CBLN2: variants seen among roughly 807,000 people sequenced by gnomAD.
CBLN2 encodes the protein cerebellin-2.
In CBLN2, 7 loss-of-function variants were observed where a neutral mutation model predicts 15.0. The ratio of observed to expected loss-of-function variants is 0.47; its 90% CI spans 0.27 to 0.88. CBLN2 has a LOEUF of 0.88. Ranked by LOEUF, CBLN2 falls within the 40% of genes least tolerant of loss-of-function variation. The pLI, the probability that CBLN2 is intolerant of heterozygous loss-of-function variation, is 0.14. For synonymous variants in CBLN2, 149 were observed against 135.2 expected, an observed-to-expected ratio of 1.10 and a Z score of -0.71; for missense variants, 242 against 304.5, an observed-to-expected ratio of 0.79 and a Z score of 1.53.
chr18:72,540,093 T>C (rs1695287255), intron 3 of CBLN2: 1 of 152,192 alleles, frequency 6.6e-6, no homozygotes, highest in Non-Finnish European at 1.5e-5. Flanking sequence ...CTGGGTTCCA[T>C]TGTTAAGACA....
chr18:72,618,478 C>G (rs2069677806), intron 1 of CBLN2: 1 of 667,352 alleles, frequency 1.5e-6, no homozygotes, highest in Non-Finnish European at 2.8e-6. Flanking sequence ...GTGGATGCAG[C>G]CATGAATGCA....
Position 72,619,983 on chromosome 18 carries a change from C to A in CBLN2, c.15+18342G>T, listed in dbSNP as rs150211147. The stretch of plus-strand genomic sequence containing the variant: ...CAAACTTCATTTACTCAGCTCACCA[C>A]CCCTTGTTGGGGGAACACATGGGTG... On this transcript the variant is annotated intron_variant, in intron 1 of 2. Transcript: ENST00000581073. Among the ~76,000 whole-genome samples, 108 of 152,338 alleles carry A rather than the reference C, an allele frequency of 7.1e-4. 1 individual carries two copies. Among genetic ancestry groups the A allele is most frequent in the African/African-American group, 2.5e-3 (102 of 41,590 alleles).
intron 1 of CBLN2, among the ~76,000 whole-genome samples, chr18:72,584,086 G>T (rs770683278): frequency 6.6e-6 from 1 of 152,128 alleles, no homozygotes; most frequent in African/African-American, 2.4e-5. Context: ...CTGTTTGTGC[G>T]TTCAAAGCAC....
chr18:72,615,033 G>GTAAATATA (rs1332829230), intron 1 of CBLN2, among the ~76,000 whole-genome samples: 12 of 121,932 alleles, frequency 9.8e-5, no homozygotes, highest in African/African-American at 3.6e-4. Flanking sequence ...AGGAGATCAA[G>GTAAATATA]TACATATATA....
chr18:72,600,119 G>A (rs1406655301), intron 1 of CBLN2, among the ~76,000 whole-genome samples: 1 of 152,106 alleles, frequency 6.6e-6, no homozygotes, highest in Non-Finnish European at 1.5e-5. Context: ...GTTTCCAGGT[G>A]GAATATGTTG....
rs2069299465 is a variant in CBLN2 at position 72,567,004 on chromosome 18, G to C, written c.16-28232C>G. On this transcript the variant is annotated intron_variant, in intron 1 of 2. Transcript: ENST00000581073. ...CTGCCCCGCTAATTCTGTACTTTTT[G>C]TAGAGATGGAGTTTCGCCATGTTGT... 2.0e-5 allele frequency among the ~76,000 whole-genome samples: 3 copies of C among 152,070 alleles called. No homozygotes were observed. In the South Asian group the frequency reaches 6.2e-4, roughly 32 times the overall value.
intron 1 of CBLN2, among the ~76,000 whole-genome samples, chr18:72,623,880 T>C: frequency 6.6e-6 from 1 of 152,188 alleles, no homozygotes; most frequent in East Asian, 1.9e-4. Flanking sequence ...AACTACTGGA[T>C]CTTTAGTATA....
chr18:72,547,665 T>C (rs1004207876), upstream of CBLN2, among the ~76,000 whole-genome samples: 24 of 152,192 alleles, frequency 1.6e-4, no homozygotes, highest in East Asian at 3.9e-3. Context: ...AAATAATATA[T>C]TTTTATCTAG....
At chr18:72,609,424 A>G (rs962324653) in intron 1 of CBLN2, among the ~76,000 whole-genome samples, 14 of 152,122 alleles carry the variant, frequency 9.2e-5, no homozygotes, top group Non-Finnish European at 1.5e-5. Context: ...AGACACAAGA[A>G]GAAGATGGCC....
chr18:72,598,582 C>T (rs2069527738), intron 1 of CBLN2, among the ~76,000 whole-genome samples: 1 of 152,180 alleles, frequency 6.6e-6, no homozygotes, highest in South Asian at 2.1e-4. Context: ...GGCCACATGC[C>T]CCCCAAATCC....
intron 1 of CBLN2, among the ~76,000 whole-genome samples, chr18:72,553,463 G>C (rs547212816): frequency 1.1e-5 from 1 of 89,504 alleles, no homozygotes; most frequent in Non-Finnish European, 2.3e-5. Flanking sequence ...ATTTGTGATA[G>C]ATAGATAGAT....
intron 1 of CBLN2, among the ~76,000 whole-genome samples, chr18:72,556,475 TAGAA>T (rs773799851): frequency 1.3e-5 from 2 of 151,968 alleles, no homozygotes; most frequent in East Asian, 1.9e-4. Flanking sequence ...AAAACACAGA[TAGAA>T]AGAAAGAGAA....
intron 1 of CBLN2, among the ~76,000 whole-genome samples, chr18:72,589,244 T>A (rs939183564): frequency 6.6e-6 from 1 of 152,182 alleles, no homozygotes; most frequent in Non-Finnish European, 1.5e-5. Flanking sequence ...ATTTTACATA[T>A]GTTTGCTGAG....
At position 72,538,652 on chromosome 18, in the gene CBLN2, C is replaced by T; in HGVS notation, c.477+1G>A. ...AAGGATCCAGTTTCAAATCTACCCA[C>T]CTGGATGGTTTGTCTGTTATACACT... On this transcript the variant is annotated splice_donor_variant, in intron 4 of 4. Coordinates refer to ENST00000269503, the MANE Select transcript of CBLN2 (RefSeq NM_182511.4). LOFTEE classifies it high-confidence loss of function. 6.2e-7 allele frequency: 1 copy of T among 1,613,766 alleles called. No homozygotes were observed. The highest frequency in any genetic ancestry group is 8.5e-7 in the Non-Finnish European group (1 of 1,179,890).
chr18:72,606,666 G>A (rs1371585973), intron 1 of CBLN2, among the ~76,000 whole-genome samples: 1 of 152,204 alleles, frequency 6.6e-6, no homozygotes, highest in Non-Finnish European at 1.5e-5. Context: ...AAGAGGCTTA[G>A]CTGCTTAAGA....
chr18:72,578,938 G>A (rs1453870970), intron 1 of CBLN2, among the ~76,000 whole-genome samples: 5 of 152,108 alleles, frequency 3.3e-5, no homozygotes, highest in Non-Finnish European at 4.4e-5. Flanking sequence ...ACACTGTGTC[G>A]CTATCCATGT....
intron 1 of CBLN2, among the ~76,000 whole-genome samples, chr18:72,610,370 C>T (rs2069614093): frequency 6.6e-6 from 1 of 152,146 alleles, no homozygotes; most frequent in South Asian, 2.1e-4. Context: ...AAATGTTTCC[C>T]TTCTTATAAA....
intron 1 of CBLN2, among the ~76,000 whole-genome samples, chr18:72,634,001 G>T (rs1386231270): frequency 6.6e-6 from 1 of 151,762 alleles, no homozygotes; most frequent in Non-Finnish European, 1.5e-5. Flanking sequence ...CTGTTTTAGA[G>T]AAATTTTCTT....
intron 1 of CBLN2, among the ~76,000 whole-genome samples, chr18:72,636,592 G>GT (rs1377530083): frequency 2.6e-5 from 4 of 152,108 alleles, no homozygotes; most frequent in African/African-American, 9.7e-5. Flanking sequence ...GAAGTCTCCC[G>GT]TTCCCCGTGG....
Sources: allele counts gnomAD v4.1 joint callset (sites outside exome capture counted in the v4.1 genomes callset), GRCh38; gene constraint gnomAD v4.1.1; transcripts MANE v1.5; gene names NCBI Gene and HGNC (gene_info 2026-07-23, HGNC 2026-07-21).